The following DACH1 variants were observed in gnomAD, a reference collection of about 807,000 sequenced individuals.
DACH1 encodes dachshund homolog 1.
DACH1 carries 12 observed loss-of-function variants against 54.2 expected under a neutral mutation model. The ratio of observed to expected loss-of-function variants is 0.22; its 90% CI spans 0.14 to 0.36. The LOEUF is 0.36. DACH1 is among the 10% of genes least tolerant of loss of function. The pLI is 1.00. For synonymous variants in DACH1, 386 were observed against 366.2 expected (o/e 1.05, Z -0.62); for missense variants, 805 against 929.8 (o/e 0.87, Z 1.75).
chr13:71,569,093 T>C (rs1336941780), intron 4 of DACH1, among the ~76,000 whole-genome samples: 1 of 152,102 alleles, frequency 6.6e-6, no homozygotes, highest in Non-Finnish European at 1.5e-5. Flanking sequence ...AACAATGCCA[T>C]AGTGGGAAAG....
chr13:71,866,869 G>T lies in DACH1; in HGVS notation c.-100C>A. The T allele has an allele frequency of 1.1e-6, 1 of 906,754 alleles. No homozygotes were observed. Among genetic ancestry groups the T allele is most frequent in the Non-Finnish European group, 1.4e-6 (1 of 706,092 alleles). 56.2% of individuals were successfully genotyped at this position (906,754 alleles called of 1,614,324 possible). A position where few individuals can be genotyped will look rare whatever the true frequency, so the allele number is the denominator to read the frequency against. ...GAAAAAAGGGGGGAGAAGGAGCGAG[G>T]GGGGCAACAACAACTCCGGGAGAGA... is the stretch of plus-strand genomic sequence containing the variant. On this transcript the variant is annotated 5_prime_UTR_variant, in exon 1 of 11. Transcript: ENST00000613252.
At chr13:71,781,338 TTTTTTA>T (rs1854702165) in intron 1 of DACH1, among the ~76,000 whole-genome samples, 1 of 148,392 alleles carries the variant, frequency 6.7e-6, no homozygotes, top group Non-Finnish European at 1.5e-5. Context: ...GGTCCAGATC[TTTTTTA>T]TTTTTATTTA....
intron 10 of DACH1, among the ~76,000 whole-genome samples, chr13:71,472,532 T>TA (rs1406242098): frequency 2.6e-5 from 4 of 152,204 alleles, no homozygotes; most frequent in Non-Finnish European, 4.4e-5. Context: ...ATGAAAAAAT[T>TA]AAAAAACCTG....
intron 2 of DACH1, among the ~76,000 whole-genome samples, chr13:71,656,986 A>G (rs1879146610): frequency 7.0e-6 from 1 of 141,874 alleles, no homozygotes; most frequent in Non-Finnish European, 1.5e-5. Context: ...GAACATATAT[A>G]TGTGTACAGG....
chr13:71,532,600 G>A (rs150504480), intron 6 of DACH1, among the ~76,000 whole-genome samples: 5 of 152,020 alleles, frequency 3.3e-5, no homozygotes, highest in Admixed American at 6.6e-5. Context: ...ACTGAAAGGC[G>A]TAAACCTAGC....
intron 1 of DACH1, among the ~76,000 whole-genome samples, chr13:71,795,755 C>A (rs76536401): frequency 6.6e-6 from 1 of 152,126 alleles, no homozygotes; most frequent in African/African-American, 2.4e-5. Context: ...AAGTATTTAA[C>A]CTCATCTAAT....
chr13:71,737,008 T>G (rs984347634), intron 1 of DACH1, among the ~76,000 whole-genome samples: 3 of 152,172 alleles, frequency 2.0e-5, no homozygotes, highest in African/African-American at 7.2e-5. Context: ...CCCAGCTCTT[T>G]GGCAGGCTGA....
chr13:71,864,355 G>A (rs956510465), intron 1 of DACH1, among the ~76,000 whole-genome samples: 3 of 152,086 alleles, frequency 2.0e-5, no homozygotes, highest in African/African-American at 4.8e-5. Flanking sequence ...AATCTTTTTC[G>A]TTTCACAGCC....
intron 1 of DACH1, 88 bp downstream of exon 1, chr13:71,865,834 A>T: frequency 7.4e-7 from 1 of 1,344,140 alleles, no homozygotes; most frequent in East Asian, 3.1e-5. Flanking sequence ...GGGCGCGCAG[A>T]GCGAGCGGCG....
In DACH1 at chr13:71,866,536, G is replaced by T; in HGVS notation, c.234C>A (p.Gly78=). The stretch of plus-strand genomic sequence containing the variant: ...CGCCGCCGCCTCCGCTGCCGCCGCC[G>T]CCGCCGCCGCCGCCGGTAGAGGTGA... ...ATVTSTGGGG[G]GGGSGGGGGS... Residue 78 remains glycine (G), a synonymous_variant, in exon 1 of 11, where the codon GGC becomes GGA. Transcript: ENST00000613252. The T allele has an allele frequency of 8.1e-7, 1 of 1,227,288 alleles. No homozygotes were observed. The highest frequency in any genetic ancestry group is 3.2e-5 in the East Asian group (1 of 31,592). The allele number at this position is 1,227,288 out of a possible 1,614,324, so 76.0% of individuals were successfully genotyped here.
intron 1 of DACH1, among the ~76,000 whole-genome samples, chr13:71,860,140 A>G (rs1874254784): frequency 1.3e-5 from 2 of 151,594 alleles, no homozygotes; most frequent in South Asian, 4.1e-4. Context: ...GTGTAGTCTT[A>G]GCTAGAATAT....
chr13:71,605,569 C>T (rs1327599899), intron 3 of DACH1, among the ~76,000 whole-genome samples: 1 of 151,740 alleles, frequency 6.6e-6, no homozygotes, highest in Non-Finnish European at 1.5e-5. Context: ...GATTACTTTT[C>T]ATATAATAAA....
At position 71,756,207 on chromosome 13, in the gene DACH1, CT is replaced by C. The variant is rs575813931; in HGVS notation, c.849-74298del. 8.8e-4 allele frequency among the ~76,000 whole-genome samples: 131 copies of C among 149,712 alleles called. 2 individuals are homozygous for C. Among genetic ancestry groups the C allele is most frequent in the Middle Eastern group, 3.4e-3 (1 of 294 alleles). ...CACCACACTCGGCTAATTTTTTTTTCTTTTTTTTTGTATTTTTAGTAGAGAC... is the reference window on the plus strand; with the variant it reads ...CACCACACTCGGCTAATTTTTTTTTCTTTTTTTTGTATTTTTAGTAGAGAC... On this transcript the variant is annotated intron_variant, in intron 1 of 10. Transcript: ENST00000613252.
intron 1 of DACH1, among the ~76,000 whole-genome samples, chr13:71,827,316 C>A (rs944730280): frequency 1.3e-5 from 2 of 152,060 alleles, no homozygotes; most frequent in African/African-American, 4.8e-5. Flanking sequence ...AACTAGATCA[C>A]CTCCTGTTAT....
At chr13:71,695,579 A>G (rs2138735590) in intron 1 of DACH1, among the ~76,000 whole-genome samples, 1 of 152,330 alleles carries the variant, frequency 6.6e-6, no homozygotes, top group African/African-American at 2.4e-5. Context: ...TTCAAATGAC[A>G]TGGTCAAGGG....
chr13:71,679,515 A>G (rs1056938261), intron 2 of DACH1, among the ~76,000 whole-genome samples: 11 of 152,140 alleles, frequency 7.2e-5, no homozygotes, highest in African/African-American at 2.7e-4. Context: ...TTTCTCTTAT[A>G]ACTGTGAGAA....
At chr13:71,758,760 T>C (rs912692720) in intron 1 of DACH1, among the ~76,000 whole-genome samples, 1 of 152,178 alleles carries the variant, frequency 6.6e-6, no homozygotes. Context: ...ATATCCGGTA[T>C]ATTAAAAGAT....
intron 3 of DACH1, among the ~76,000 whole-genome samples, chr13:71,614,091 A>G (rs148443982): frequency 1.4e-4 from 21 of 152,296 alleles, no homozygotes; most frequent in Non-Finnish European, 2.8e-4. Context: ...ATAAGATTGT[A>G]TTTATTTATA....
At chr13:71,509,441 A>G (rs1433138778) in intron 6 of DACH1, among the ~76,000 whole-genome samples, 1 of 152,156 alleles carries the variant, frequency 6.6e-6, no homozygotes, top group Non-Finnish European at 1.5e-5. Context: ...GGTGAATACA[A>G]CTAGTGTGAG....
Sources: gnomAD v4.1 joint callset for allele counts (sites outside exome capture counted in the v4.1 genomes callset) on GRCh38, gnomAD v4.1.1 for gene constraint, MANE v1.5 for transcripts, NCBI Gene and HGNC (gene_info 2026-07-23, HGNC 2026-07-21) for gene names.